Variants in PIWIL1 observed in about 807,000 individuals in gnomAD.
PIWIL1 encodes piwi-like protein 1.
In PIWIL1, 73 loss-of-function variants were observed where a neutral mutation model predicts 114.4. The observed-to-expected ratio is 0.64, with a 90% CI of 0.53 to 0.78. The LOEUF (loss-of-function observed/expected upper bound fraction) is 0.78. Among genes scored for constraint, PIWIL1 ranks in the 30% least tolerant of loss-of-function variants. The probability of loss-of-function intolerance (pLI) is 0.00; values close to 1 mark genes in which losing one functional copy is unlikely to be tolerated. For missense variants in PIWIL1, 723 were observed against 1,063.1 expected, an observed-to-expected ratio of 0.68 and a Z score of 4.45; for synonymous variants, 375 against 369.0, an observed-to-expected ratio of 1.02 and a Z score of -0.19.
chr12:130,358,024 C>T (rs552335239), intron 14 of PIWIL1, among the ~76,000 whole-genome samples: 14 of 152,188 alleles, frequency 9.2e-5, no homozygotes, highest in Non-Finnish European at 1.9e-4. Flanking sequence ...ATCCACATCA[C>T]CCCGAGGGGT....
chr12:130,416,140 C>T, the PIWIL1 span, among the ~76,000 whole-genome samples: 6 of 152,176 alleles, frequency 3.9e-5, no homozygotes, highest in Admixed American at 2.0e-4. Context: ...ATTAAAGTAG[C>T]CATATTGCCC....
Position 130,367,252 on chromosome 12 carries a change from C to T in PIWIL1, c.2315C>T (p.Pro772Leu). The change falls in exon 19 of 21, where the codon CCA becomes CTA. Residue 772 changes from proline (P) to leucine (L), a missense_variant. Around this residue, in one of 8 missense-constraint regions of PIWIL1, gnomAD observed 106 missense variants for 182.8 expected, o/e 0.58. Transcript: ENST00000245255. ...GTVIDVEVTR[P>L]EWYDFFIVSQ... ...GTTATTGATGTAGAGGTTACCAGAC[C>T]AGAATGGTAAGTTCCATGTGATGAG... 6.2e-7 allele frequency: 1 copy of T among 1,612,932 alleles called. No individual in the cohort carries two copies. The highest frequency in any genetic ancestry group is 8.5e-7 in the Non-Finnish European group (1 of 1,179,140).
the PIWIL1 span, among the ~76,000 whole-genome samples, chr12:130,407,142 T>C: frequency 2.0e-5 from 3 of 152,200 alleles, no homozygotes; most frequent in Non-Finnish European, 4.4e-5. Context: ...AATGAGGGAA[T>C]ATAGTTGGTG....
the PIWIL1 span, chr12:130,424,761 A>C: frequency 1.6e-6 from 2 of 1,232,548 alleles, no homozygotes. This position sits in a 1 kb window ranked among gnomAD's most constrained non-coding sequence, Gnocchi z 9.8. Flanking sequence ...CTCTTCCGCT[A>C]CTTCGGGGAT....
At chr12:130,352,676 AAAT>A (rs1348066037) in intron 9 of PIWIL1, among the ~76,000 whole-genome samples, 1 of 152,194 alleles carries the variant, frequency 6.6e-6, no homozygotes, top group Non-Finnish European at 1.5e-5. Context: ...TGTCTCAAAT[AAAT>A]AAATGAATGA....
the PIWIL1 span, among the ~76,000 whole-genome samples, chr12:130,380,936 T>G: frequency 6.6e-6 from 1 of 152,198 alleles, no homozygotes; most frequent in African/African-American, 2.4e-5. Flanking sequence ...GAGTCTTCTT[T>G]TTTTTACTAG....
At chr12:130,411,021 C>T in the PIWIL1 span, among the ~76,000 whole-genome samples, 1 of 152,256 alleles carries the variant, frequency 6.6e-6, no homozygotes, top group Non-Finnish European at 1.5e-5. Context: ...GATTTCTTTC[C>T]TCAGTGTTTT....
the PIWIL1 span, among the ~76,000 whole-genome samples, chr12:130,385,331 T>A: frequency 6.6e-6 from 1 of 152,250 alleles, no homozygotes; most frequent in African/African-American, 2.4e-5. Flanking sequence ...TGAAACATTA[T>A]CATGAGCTAC....
the PIWIL1 span, among the ~76,000 whole-genome samples, chr12:130,385,085 G>A: frequency 1.3e-5 from 2 of 152,098 alleles, no homozygotes; most frequent in Non-Finnish European, 2.9e-5. Flanking sequence ...TTATACTGCA[G>A]GGCTGTTAGT....
chr12:130,373,543 T>C (rs901905773), downstream of PIWIL1, among the ~76,000 whole-genome samples: 1 of 152,190 alleles, frequency 6.6e-6, no homozygotes, highest in East Asian at 1.9e-4. Context: ...GGTTTTGTCA[T>C]CATCCTAGGT....
chr12:130,370,133 A>G (rs1319407690), intron 19 of PIWIL1, among the ~76,000 whole-genome samples: 1 of 152,076 alleles, frequency 6.6e-6, no homozygotes, highest in East Asian at 1.9e-4. Flanking sequence ...CTGCTTTCCT[A>G]ATTTTACTAG....
intron 18 of PIWIL1, among the ~76,000 whole-genome samples, chr12:130,365,013 G>A (rs1423577197): frequency 6.6e-6 from 1 of 152,308 alleles, no homozygotes; most frequent in East Asian, 1.9e-4. Flanking sequence ...ATTCCCAGAA[G>A]GACTGGCAGA....
the PIWIL1 span, among the ~76,000 whole-genome samples, chr12:130,389,493 T>G: frequency 5.9e-5 from 9 of 152,128 alleles, no homozygotes; most frequent in Admixed American, 5.9e-4. Context: ...TTTCAATTTT[T>G]TATTAATCAG....
At chr12:130,356,832 T>C in intron 12 of PIWIL1, 86 bp from the exon 13 acceptor site, 15 of 920,730 alleles carry the variant, frequency 1.6e-5, no homozygotes, top group East Asian at 2.5e-5. Flanking sequence ...TTTCAAAATA[T>C]GCCATGGTAG....
intron 1 of PIWIL1, among the ~76,000 whole-genome samples, chr12:130,339,168 G>A (rs1217906796): frequency 2.0e-5 from 3 of 152,104 alleles, no homozygotes; most frequent in Non-Finnish European, 4.4e-5. Flanking sequence ...CCCCAAGTGA[G>A]GCGGCGACCG....
At chr12:130,355,365 C>T (rs544961317) in intron 11 of PIWIL1, among the ~76,000 whole-genome samples, 188 bp from the exon 12 acceptor site, 18 of 152,284 alleles carry the variant, frequency 1.2e-4, no homozygotes, top group African/African-American at 3.9e-4. Flanking sequence ...TAAAGAATGT[C>T]ATGAAGAGAA....
the PIWIL1 span, among the ~76,000 whole-genome samples, chr12:130,384,367 T>G: frequency 6.6e-6 from 1 of 152,202 alleles, no homozygotes; most frequent in African/African-American, 2.4e-5. Flanking sequence ...TTAAGAGAAG[T>G]TAGGCACTGG....
At chr12:130,403,846 T>G in the PIWIL1 span, among the ~76,000 whole-genome samples, 1 of 152,202 alleles carries the variant, frequency 6.6e-6, no homozygotes, top group Non-Finnish European at 1.5e-5. Flanking sequence ...AAAAATATTA[T>G]ATATGATGGC....
intron 4 of PIWIL1, 107 bp downstream of exon 4, chr12:130,345,985 C>A: frequency 8.3e-7 from 1 of 1,205,298 alleles, no homozygotes; most frequent in Non-Finnish European, 1.1e-6. Flanking sequence ...TCCTGCATGG[C>A]TTTTCGATTT....
Sources: gnomAD v4.1 joint callset for allele counts (sites outside exome capture counted in the v4.1 genomes callset) on GRCh38, gnomAD v4.1.1 for gene constraint, gnomAD v4.1.1 regional missense constraint, Gnocchi (gnomAD v3.1) non-coding constraint, MANE v1.5 for transcripts, NCBI Gene and HGNC (gene_info 2026-07-23, HGNC 2026-07-21) for gene names.